NEBL: variants seen among roughly 807,000 people sequenced by gnomAD.
The protein encoded by NEBL is nebulette, also known as LIM and SH3 protein 2.
NEBL carries 122 observed loss-of-function variants against 140.2 expected under a neutral mutation model. That is an observed-to-expected ratio of 0.87 (90% CI 0.75 to 1.01). The LOEUF is 1.01. Among genes scored for constraint, NEBL ranks in the 50% least tolerant of loss-of-function variants. The probability of loss-of-function intolerance (pLI) is 0.00; values close to 1 mark genes in which losing one functional copy is unlikely to be tolerated. For synonymous variants in NEBL, 436 were observed against 398.9 expected (o/e 1.09, Z -1.11); for missense variants, 1,365 against 1,231.3 (o/e 1.11, Z -1.62).
At chr10:21,227,732 C>CTTCTTCT (rs1842185039) in intron 3 of NEBL, among the ~76,000 whole-genome samples, 2 of 129,826 alleles carry the variant, frequency 1.5e-5, no homozygotes, top group African/African-American at 6.5e-5. Context: ...TCTTCTTCTT[C>CTTCTTCT]TTCTTCTTCT....
At chr10:21,215,248 G>A (rs961097547) in intron 3 of NEBL, among the ~76,000 whole-genome samples, 2 of 152,156 alleles carry the variant, frequency 1.3e-5, no homozygotes, top group African/African-American at 4.8e-5. Context: ...GTTTGAGGCT[G>A]CAGTGAGCTA....
At chr10:21,146,541 T>C in intron 2 of NEBL, 1 of 1,567,468 alleles carries the variant, frequency 6.4e-7, no homozygotes. Context: ...ATGGTGAAAA[T>C]GGTGCTGTGT....
Position 20,851,405 on chromosome 10 carries a change from T to C in NEBL, c.1009-903A>G, listed in dbSNP as rs77639453. 3.9e-3 allele frequency among the ~76,000 whole-genome samples: 599 copies of C among 152,192 alleles called. 6 individuals carry two copies. Among genetic ancestry groups the C allele is most frequent in the African/African-American group, 0.014 (564 of 41,544 alleles). On this transcript the variant is annotated intron_variant, in intron 10 of 27. Coordinates refer to ENST00000377122, the MANE Select transcript of NEBL (RefSeq NM_006393.3). ...ATTTTAAAATACCTATTTGTAGACA[T>C]AATTTTGTTGCAAAGAGTATGATAG...
chr10:20,819,353 C>T (rs551924614), intron 20 of NEBL, 71 bp downstream of exon 20: 1 of 1,609,104 alleles, frequency 6.2e-7, no homozygotes, highest in Non-Finnish European at 8.5e-7. Flanking sequence ...TAATGGCCTT[C>T]CAAAGGGCAT....
chr10:21,076,343 G>T (rs533956212), intron 2 of NEBL, among the ~76,000 whole-genome samples: 4 of 149,866 alleles, frequency 2.7e-5, no homozygotes, highest in Non-Finnish European at 4.4e-5. Flanking sequence ...TACTCAGAAG[G>T]CTGAGGCAGG....
intron 3 of NEBL, among the ~76,000 whole-genome samples, chr10:21,017,378 A>G (rs957583446): frequency 3.9e-5 from 6 of 152,112 alleles, no homozygotes; most frequent in Admixed American, 2.6e-4. Context: ...ATGGAGCCCA[A>G]TTGCTTCTAA....
intron 2 of NEBL, among the ~76,000 whole-genome samples, chr10:21,036,663 A>G (rs1834027580): frequency 6.6e-6 from 1 of 152,054 alleles, no homozygotes; most frequent in African/African-American, 2.4e-5. Flanking sequence ...CTGGCTACTC[A>G]GGTCCTTTGC....
At chr10:21,072,009 G>C (rs746554942) in intron 2 of NEBL, among the ~76,000 whole-genome samples, 1 of 151,998 alleles carries the variant, frequency 6.6e-6, no homozygotes, top group Admixed American at 6.6e-5. Flanking sequence ...GTAGAGATGG[G>C]GTTTCACCAT....
chr10:21,108,910 G>T (rs1837841945), intron 2 of NEBL, among the ~76,000 whole-genome samples: 1 of 151,952 alleles, frequency 6.6e-6, no homozygotes, highest in Non-Finnish European at 1.5e-5. Flanking sequence ...ACCAACAATG[G>T]GGTTTTCTAA....
At chr10:21,275,610 AC>A (rs1842910641) in intron 1 of NEBL, among the ~76,000 whole-genome samples, 1 of 149,208 alleles carries the variant, frequency 6.7e-6, no homozygotes, top group Non-Finnish European at 1.5e-5. Context: ...TAAAACCTGA[AC>A]TAACATAGAC....
chr10:20,968,542 G>A (rs1315847156), intron 3 of NEBL, among the ~76,000 whole-genome samples: 1 of 152,040 alleles, frequency 6.6e-6, no homozygotes, highest in Non-Finnish European at 1.5e-5. Flanking sequence ...TAAATATGGA[G>A]GAGGGAGGAA....
chr10:20,869,194 T>A (rs1240212204), intron 6 of NEBL, among the ~76,000 whole-genome samples: 1 of 152,222 alleles, frequency 6.6e-6, no homozygotes, highest in African/African-American at 2.4e-5. Flanking sequence ...ATTTAGCCTA[T>A]GTTATGAAAA....
chr10:20,888,583 G>C (rs1180693055), intron 3 of NEBL, among the ~76,000 whole-genome samples: 2 of 152,160 alleles, frequency 1.3e-5, no homozygotes, highest in Non-Finnish European at 2.9e-5. Flanking sequence ...CTTGACAAAG[G>C]ACAGTGTTCT....
chr10:21,149,923 T>C (rs970114265), intron 2 of NEBL, among the ~76,000 whole-genome samples: 7 of 152,202 alleles, frequency 4.6e-5, no homozygotes, highest in African/African-American at 1.7e-4. Context: ...CTCACACATC[T>C]GGTCACAGAA....
intron 2 of NEBL, among the ~76,000 whole-genome samples, chr10:21,250,834 A>C (rs1842579439): frequency 6.6e-6 from 1 of 152,184 alleles, no homozygotes; most frequent in Non-Finnish European, 1.5e-5. Context: ...AGGAGGTTGC[A>C]GTGAGCTGAG....
At chr10:21,201,253 G>A (rs937316686) in intron 3 of NEBL, among the ~76,000 whole-genome samples, 1 of 152,174 alleles carries the variant, frequency 6.6e-6, no homozygotes, top group African/African-American at 2.4e-5. Flanking sequence ...TCATGAAAAT[G>A]GGTCTCATCT....
intron 3 of NEBL, among the ~76,000 whole-genome samples, chr10:21,010,455 T>C (rs927864751): frequency 5.9e-5 from 9 of 151,572 alleles, no homozygotes; most frequent in African/African-American, 2.2e-4. Flanking sequence ...GGTTTTGCTA[T>C]GTTGCCCAGC....
intron 9 of NEBL, among the ~76,000 whole-genome samples, chr10:20,854,352 A>C (rs1033655769): frequency 6.6e-6 from 1 of 152,318 alleles, no homozygotes; most frequent in South Asian, 2.1e-4. Context: ...AAGAAAGCTC[A>C]GTGCTAGGAA....
At chr10:21,285,426 T>G (rs1428987529) in intron 1 of NEBL, among the ~76,000 whole-genome samples, 1 of 152,198 alleles carries the variant, frequency 6.6e-6, no homozygotes, top group Admixed American at 6.5e-5. Flanking sequence ...CTTTCTCGCC[T>G]ACCTGGAAGC....
Sources: allele counts gnomAD v4.1 joint callset (sites outside exome capture counted in the v4.1 genomes callset), GRCh38; gene constraint gnomAD v4.1.1; transcripts MANE v1.5; gene names NCBI Gene and HGNC (gene_info 2026-07-23, HGNC 2026-07-21).